The following TTC39A variants were observed in gnomAD, a reference collection of about 807,000 sequenced individuals.
TTC39A encodes the protein tetratricopeptide repeat protein 39A.
In TTC39A, 46 loss-of-function variants were observed where a neutral mutation model predicts 82.3. The ratio of observed to expected loss-of-function variants is 0.56; its 90% CI spans 0.44 to 0.71. The LOEUF (loss-of-function observed/expected upper bound fraction) is 0.71, where lower values mean the gene tolerates loss of function less well. Ranked by LOEUF, TTC39A falls within the 30% of genes least tolerant of loss-of-function variation. The probability of loss-of-function intolerance (pLI) is 0.00; values close to 1 mark genes in which losing one functional copy is unlikely to be tolerated. For synonymous variants in TTC39A, 254 were observed against 275.2 expected, an observed-to-expected ratio of 0.92 and a Z score of 0.76; for missense variants, 543 against 712.9, an observed-to-expected ratio of 0.76 and a Z score of 2.71.
rs1356952501 is a variant in TTC39A at position 51,330,349 on chromosome 1, C to T, written c.41+88G>A. ...CGCAGTGCGGCCCCAGGCCGGTGCG[C>T]GGGGGGAGGCCTGGCGCGGCGCCCG... On this transcript the variant is annotated intron_variant, in intron 1 of 17. Coordinates refer to ENST00000680483, the MANE Select transcript of TTC39A (RefSeq NM_001297663.2). The surrounding 1 kb of genome is among the most constrained non-coding windows in gnomAD (Gnocchi z 4.5). 1.1e-6 allele frequency: 1 copy of T among 924,776 alleles called. No homozygotes were observed. Among genetic ancestry groups the T allele is most frequent in the Non-Finnish European group, 1.3e-6 (1 of 776,656 alleles). The allele number at this position is 924,776 out of a possible 1,614,324, so 57.3% of individuals were successfully genotyped here.
At position 51,312,687 on chromosome 1, in the gene TTC39A, A is replaced by C. The variant is rs1446318784; in HGVS notation, c.278+125T>G. The C allele has an allele frequency of 2.9e-6, 4 of 1,397,412 alleles. No homozygotes were observed. In the Admixed American group the frequency reaches 7.8e-5, roughly 27 times the overall value. 86.6% of individuals were successfully genotyped at this position (1,397,412 alleles called of 1,614,324 possible). A position where few individuals can be genotyped will look rare whatever the true frequency, so the allele number is the denominator to read the frequency against. On this transcript the variant is annotated intron_variant, in intron 3 of 17. Transcript: ENST00000680483. ...GGCCAACAGGGACAGCTCTTAGCAC[A>C]TGCAGACACAACCTCTTAGCCAAAA...
rs1645497745 is a variant in TTC39A, at chr1:51,321,022, A to G, written c.146+699T>C. Among the ~76,000 whole-genome samples the G allele has an allele frequency of 6.6e-6, 1 of 151,848 alleles. No individual in the cohort carries two copies. The highest frequency in any genetic ancestry group is 1.9e-4 in the East Asian group (1 of 5,160). On this transcript the variant is annotated intron_variant, in intron 2 of 17. Coordinates refer to ENST00000680483, the MANE Select transcript of TTC39A (RefSeq NM_001297663.2). This position sits in a 1 kb window ranked among gnomAD's most constrained non-coding sequence, Gnocchi z 4.6. Reference sequence around the variant, plus strand: ...TGAGTAGCTGGGATTACAGGCACACACCACCACACCCAGCTAATTTTTTAT... The same window carrying G: ...TGAGTAGCTGGGATTACAGGCACACGCCACCACACCCAGCTAATTTTTTAT...
At chr1:51,304,996 C>T in intron 8 of TTC39A, 85 bp downstream of exon 8, 1 of 1,462,156 alleles carries the variant, frequency 6.8e-7, no homozygotes, top group Non-Finnish European at 9.6e-7. Context: ...CTCCTAGGCC[C>T]TGTGGCCTGT....
upstream of TTC39A, chr1:51,331,123 G>A: frequency 7.4e-7 from 1 of 1,354,448 alleles, no homozygotes; most frequent in Non-Finnish European, 1.0e-6. Context: ...CTGAGGCATG[G>A]GGTTCATTTG....
Position 51,305,080 on chromosome 1 carries a change from C to T in TTC39A, c.654+1G>A. ...AGGGGTGCTAGGAGGCAGGTGGTTA[C>T]CTTGTTTCCTGAAAACCCCACAAAC... On this transcript the variant is annotated splice_donor_variant, in intron 8 of 17. Coordinates refer to ENST00000680483, the MANE Select transcript of TTC39A (RefSeq NM_001297663.2). LOFTEE classifies it high-confidence loss of function. The T allele has an allele frequency of 6.2e-7, 1 of 1,613,332 alleles. No individual in the cohort carries two copies. Among genetic ancestry groups the T allele is most frequent in the Non-Finnish European group, 8.5e-7 (1 of 1,179,460 alleles).
intron 5 of TTC39A, among the ~76,000 whole-genome samples, chr1:51,310,840 C>T (rs551982839): frequency 2.0e-5 from 3 of 152,216 alleles, no homozygotes; most frequent in Non-Finnish European, 4.4e-5. Flanking sequence ...CAAAAACAAA[C>T]TGTAATGTGT....
intron 9 of TTC39A, 24 bp downstream of exon 9, chr1:51,303,060 C>A (rs1220789140): frequency 9.6e-6 from 15 of 1,560,526 alleles, no homozygotes; most frequent in Admixed American, 1.9e-5. Context: ...AACCCCAGGG[C>A]CCCAGGTCCC....
rs1428890687 is a variant in TTC39A at position 51,294,958 on chromosome 1, G to A, written c.1146-447C>T. On this transcript the variant is annotated intron_variant, in intron 13 of 17. Transcript: ENST00000680483. This position sits in a 1 kb window ranked among gnomAD's most constrained non-coding sequence, Gnocchi z 4.3. ...ATTAACTCTTGCCTCGCGAGTTCTG[G>A]CCTTCTCAGCTGTTTCCAAGGGCAG... 2.0e-5 allele frequency among the ~76,000 whole-genome samples: 3 copies of A among 152,176 alleles called. No individual in the cohort carries two copies. The East Asian group carries it at 5.8e-4, about 29-fold the overall frequency.
At chr1:51,343,268 A>G (rs1380291390) in intron 1 of TTC39A, among the ~76,000 whole-genome samples, 2 of 152,232 alleles carry the variant, frequency 1.3e-5, no homozygotes, top group East Asian at 1.9e-4. Context: ...ACAGTGATCC[A>G]GCATTGAAAT....
At chr1:51,332,881 T>C (rs763597054), upstream of TTC39A, among the ~76,000 whole-genome samples, 8 of 152,126 alleles carry the variant, frequency 5.3e-5, no homozygotes, top group Non-Finnish European at 1.0e-4. Context: ...ACAAACTTTG[T>C]TTCATGCACA....
chr1:51,311,158 G>T, intron 5 of TTC39A, 96 bp downstream of exon 5: 2 of 1,188,132 alleles, frequency 1.7e-6, no homozygotes, highest in Non-Finnish European at 1.2e-6. Flanking sequence ...TTGCTATGGG[G>T]GATGGGTCAC....
intron 1 of TTC39A, among the ~76,000 whole-genome samples, chr1:51,337,956 G>T (rs1645995161): frequency 6.6e-6 from 1 of 152,168 alleles, no homozygotes; most frequent in African/African-American, 2.4e-5. Context: ...TGATCCTCCT[G>T]AGTAGCTGAG....
At chr1:51,341,440 G>A (rs1307324605) in intron 1 of TTC39A, among the ~76,000 whole-genome samples, 2 of 152,134 alleles carry the variant, frequency 1.3e-5, no homozygotes, top group Admixed American at 6.5e-5. Context: ...AGATGTTACA[G>A]GAAATGTGGT....
At chr1:51,311,155 G>C in intron 5 of TTC39A, 99 bp downstream of exon 5, 1 of 1,160,418 alleles carries the variant, frequency 8.6e-7, no homozygotes, top group Non-Finnish European at 1.2e-6. Flanking sequence ...TGGTTGCTAT[G>C]GGGGATGGGT....
chr1:51,312,921 A>G lies in TTC39A; in HGVS notation c.169T>C (p.Ser57Pro), dbSNP rs368187654. The part of the protein sequence containing the change: ...KPRTKESMYH[S>P]LTYATILEMQ... ...TCCAGGATGGTGGCATATGTCAGTG[A>G]GTGGTACATGCTTTCCTTGGTTCTG... Residue 57 changes from serine to proline, a missense_variant, in exon 3 of 18, where the codon TCA (serine) becomes CCA (proline). Coordinates refer to ENST00000680483, the MANE Select transcript of TTC39A (RefSeq NM_001297663.2). 6.2e-7 allele frequency: 1 copy of G among 1,613,732 alleles called. No individual in the cohort carries two copies. The highest frequency in any genetic ancestry group is 8.5e-7 in the Non-Finnish European group (1 of 1,179,724).
At chr1:51,306,113 T>G (rs553606187) in intron 6 of TTC39A, 37 bp from the exon 7 acceptor site, 147 of 1,270,524 alleles carry the variant, frequency 1.2e-4, no homozygotes, top group Non-Finnish European at 1.5e-4. Context: ...CAGCCACTGC[T>G]GGGGGTGGGG....
rs1644066652 is a variant in TTC39A, at chr1:51,288,332, C to T, written c.1611-52G>A. ...ATGAGGCTGCCTGCTCCCAGAGATG[C>T]TTTTCCTCCTGTTTGAGCTGTATGA... On this transcript the variant is annotated intron_variant, in intron 17 of 17. Transcript: ENST00000680483. The surrounding 1 kb of genome is among the most constrained non-coding windows in gnomAD (Gnocchi z 4.8). The T allele has an allele frequency of 6.2e-7, 1 of 1,611,492 alleles. No individual in the cohort carries two copies. The highest frequency in any genetic ancestry group is 8.5e-7 in the Non-Finnish European group (1 of 1,178,598).
intron 2 of TTC39A, among the ~76,000 whole-genome samples, chr1:51,317,760 A>C (rs765697357): frequency 1.3e-5 from 2 of 152,174 alleles, no homozygotes; most frequent in Admixed American, 6.5e-5. Context: ...AAAAACAAAC[A>C]AACAAACAAA....
At chr1:51,311,421 CTA>C in intron 4 of TTC39A, 100 bp from the exon 5 acceptor site, 1 of 1,094,284 alleles carries the variant, frequency 9.1e-7, no homozygotes, top group Non-Finnish European at 1.3e-6. Context: ...CAAAGGGAAC[CTA>C]TGTCAGCACC....
Sources: gnomAD v4.1 joint callset for allele counts (sites outside exome capture counted in the v4.1 genomes callset) on GRCh38, gnomAD v4.1.1 for gene constraint, Gnocchi (gnomAD v3.1) non-coding constraint, MANE v1.5 for transcripts, NCBI Gene and HGNC (gene_info 2026-07-23, HGNC 2026-07-21) for gene names.